The following FAM53B variants were observed in gnomAD, a reference collection of about 807,000 sequenced individuals.
The protein encoded by FAM53B is family with sequence similarity 53 member B.
FAM53B carries 12 observed loss-of-function variants against 32.7 expected under a neutral mutation model. The observed-to-expected ratio is 0.37, with a 90% CI of 0.24 to 0.59. The LOEUF (loss-of-function observed/expected upper bound fraction) is 0.59, where lower values mean the gene tolerates loss of function less well. Among genes scored for constraint, FAM53B ranks in the 20% least tolerant of loss-of-function variants. The pLI is 0.72. For missense variants in FAM53B, 477 were observed against 577.7 expected (o/e 0.83, Z 1.79); for synonymous variants, 234 against 228.7 (o/e 1.02, Z -0.21).
chr10:124,678,749 C>T (rs1467368453), intron 4 of FAM53B, among the ~76,000 whole-genome samples: 1 of 152,224 alleles, frequency 6.6e-6, no homozygotes, highest in Admixed American at 6.5e-5. Flanking sequence ...GGCCTTGGAC[C>T]TCAGAGCTTC....
chr10:124,727,335 G>T (rs1289962450), intron 1 of FAM53B, among the ~76,000 whole-genome samples: 5 of 148,052 alleles, frequency 3.4e-5, no homozygotes, highest in Non-Finnish European at 7.5e-5. Flanking sequence ...GATTGTGGGG[G>T]GGGGGGGGGT....
At chr10:124,644,499 GC>G (rs1364906859) in intron 4 of FAM53B, among the ~76,000 whole-genome samples, 1 of 152,188 alleles carries the variant, frequency 6.6e-6, no homozygotes, top group Non-Finnish European at 1.5e-5. Flanking sequence ...GATGTGGGTG[GC>G]AACTCTGTTC....
chr10:124,629,105 C>T (rs967571779), intron 4 of FAM53B, among the ~76,000 whole-genome samples: 4 of 152,330 alleles, frequency 2.6e-5, no homozygotes, highest in East Asian at 1.9e-4. Context: ...CTTTCTAGAA[C>T]GGGAATGTCA....
intron 2 of FAM53B, among the ~76,000 whole-genome samples, chr10:124,700,074 G>A (rs776946630): frequency 5.3e-5 from 8 of 152,214 alleles, no homozygotes; most frequent in Admixed American, 2.6e-4. Context: ...AGCCCCATCC[G>A]TGAGGCTAAG....
At chr10:124,649,540 T>C (rs908493124) in intron 4 of FAM53B, among the ~76,000 whole-genome samples, 1 of 152,206 alleles carries the variant, frequency 6.6e-6, no homozygotes, top group African/African-American at 2.4e-5. Context: ...ACACAAGGTA[T>C]TGCCAAAATC....
At chr10:124,663,999 C>A (rs887980716) in intron 4 of FAM53B, among the ~76,000 whole-genome samples, 1 of 152,120 alleles carries the variant, frequency 6.6e-6, no homozygotes, top group Non-Finnish European at 1.5e-5. Flanking sequence ...GAGCTAACAC[C>A]GTGCCAGGCC....
At chr10:124,691,056 G>C (rs1037574059) in intron 3 of FAM53B, among the ~76,000 whole-genome samples, 2 of 152,144 alleles carry the variant, frequency 1.3e-5, no homozygotes, top group African/African-American at 4.8e-5. Flanking sequence ...AGCTCTGAGG[G>C]CCACGCTTTT....
At chr10:124,692,360 G>A (rs114677967) in intron 3 of FAM53B, among the ~76,000 whole-genome samples, 2 of 152,012 alleles carry the variant, frequency 1.3e-5, no homozygotes, top group Non-Finnish European at 2.9e-5. Context: ...GGAGGGGCCC[G>A]GTATCCAGCT....
intron 4 of FAM53B, among the ~76,000 whole-genome samples, chr10:124,627,224 G>A (rs983055908): frequency 2.0e-5 from 3 of 152,116 alleles, no homozygotes; most frequent in Non-Finnish European, 2.9e-5. Flanking sequence ...CCCATCCCTC[G>A]TGAGCAACCC....
In FAM53B at chr10:124,717,037, G is replaced by C. The variant is rs189172113; in HGVS notation, c.-174-10150C>G. On this transcript the variant is annotated intron_variant, in intron 1 of 4. Coordinates refer to ENST00000337318, the MANE Select transcript of FAM53B (RefSeq NM_014661.4). ...ACTAAAAACCAACAGAAGAGGGGTGGAAAAAAAAGATTTAAAAACAAAAAT... is the reference window on the plus strand; with the variant it reads ...ACTAAAAACCAACAGAAGAGGGGTGCAAAAAAAAGATTTAAAAACAAAAAT... 3.2e-3 allele frequency among the ~76,000 whole-genome samples: 481 copies of C among 151,912 alleles called. 1 individual carries two copies. The highest frequency in any genetic ancestry group is 0.011 in the African/African-American group (453 of 41,434).
At chr10:124,638,241 G>A (rs1182904971) in intron 4 of FAM53B, among the ~76,000 whole-genome samples, 1 of 152,092 alleles carries the variant, frequency 6.6e-6, no homozygotes, top group Non-Finnish European at 1.5e-5. Flanking sequence ...GTGGTGGCGG[G>A]CGCCTGTAGT....
chr10:124,665,026 C>T (rs1949660308), intron 4 of FAM53B, among the ~76,000 whole-genome samples: 1 of 152,258 alleles, frequency 6.6e-6, no homozygotes, highest in African/African-American at 2.4e-5. Context: ...GGAGAACCCA[C>T]CTGACTGGCC....
chr10:124,652,805 G>A (rs1310420778), intron 4 of FAM53B, among the ~76,000 whole-genome samples: 3 of 152,132 alleles, frequency 2.0e-5, no homozygotes, highest in African/African-American at 7.2e-5. Flanking sequence ...GGGAACGGCC[G>A]AGCAAACCAC....
intron 4 of FAM53B, among the ~76,000 whole-genome samples, chr10:124,677,444 G>A (rs897277): frequency 0.81 from 124,027 of 152,296 alleles, 53,098 homozygotes; most frequent in Non-Finnish European, 0.94. Context: ...GGCCGGGCTT[G>A]CGCAGGGATC....
chr10:124,674,309 A>G (rs1949724650), intron 4 of FAM53B, among the ~76,000 whole-genome samples: 1 of 152,040 alleles, frequency 6.6e-6, no homozygotes. Flanking sequence ...CTTACTCCTA[A>G]AGTGTGACTC....
chr10:124,722,870 G>A (rs1047471435), intron 1 of FAM53B, among the ~76,000 whole-genome samples: 1 of 152,178 alleles, frequency 6.6e-6, no homozygotes, highest in Non-Finnish European at 1.5e-5. Flanking sequence ...ACACATGCAT[G>A]TACTGCCTAT....
intron 2 of FAM53B, among the ~76,000 whole-genome samples, chr10:124,705,906 C>G (rs992496074): frequency 7.2e-5 from 11 of 152,234 alleles, no homozygotes; most frequent in Non-Finnish European, 1.5e-4. Context: ...TTGGCCCCTT[C>G]CTGATCACGG....
chr10:124,730,298 T>A (rs941332545), intron 1 of FAM53B, among the ~76,000 whole-genome samples: 1 of 152,070 alleles, frequency 6.6e-6, no homozygotes, highest in African/African-American at 2.4e-5. Flanking sequence ...CAAACACACA[T>A]GGGGCACTGG....
chr10:124,726,747 C>T (rs939347829), intron 1 of FAM53B, among the ~76,000 whole-genome samples: 4 of 152,186 alleles, frequency 2.6e-5, no homozygotes, highest in African/African-American at 4.8e-5. Flanking sequence ...TGAAGAAATA[C>T]GAAGAGAACA....
Sources: allele counts gnomAD v4.1 joint callset (sites outside exome capture counted in the v4.1 genomes callset), GRCh38; gene constraint gnomAD v4.1.1; transcripts MANE v1.5; gene names NCBI Gene and HGNC (gene_info 2026-07-23, HGNC 2026-07-21).